Variants in TET1 observed in about 807,000 individuals in gnomAD.
The protein encoded by TET1 is methylcytosine dioxygenase TET1.
Under a neutral mutation model 148.7 loss-of-function variants are expected in TET1, and 13 were observed. The observed-to-expected ratio is 0.09, with a 90% CI of 0.06 to 0.14. TET1 has a LOEUF of 0.14. TET1 is among the 10% of genes least tolerant of loss of function. TET1 has a pLI of 1.00. For missense variants in TET1, 2,182 were observed against 2,553.8 expected (o/e 0.85, Z 3.14); for synonymous variants, 907 against 937.2 (o/e 0.97, Z 0.59).
At chr10:68,576,718 CTATT>C (rs1232797665) in intron 2 of TET1, among the ~76,000 whole-genome samples, 2 of 151,948 alleles carry the variant, frequency 1.3e-5, no homozygotes, top group African/African-American at 2.4e-5. Context: ...GAAACTGTTT[CTATT>C]TCTTTTTTTG....
In TET1 at chr10:68,606,059, T is replaced by G. The variant is rs1279497142; in HGVS notation, c.1968+5025T>G. 2.0e-5 allele frequency among the ~76,000 whole-genome samples: 3 copies of G among 152,284 alleles called. 1 individual carries two copies. The South Asian group carries it at 6.2e-4, about 32-fold the overall frequency. On this transcript the variant is annotated intron_variant, in intron 3 of 11. Transcript: ENST00000373644. ...GATACAATTGAGTTACATTGTTTAT[T>G]TTAAAATTCTATTAAGCTATAAATA...
chr10:68,670,735 C>T (rs535473298), intron 7 of TET1, among the ~76,000 whole-genome samples: 1 of 152,108 alleles, frequency 6.6e-6, no homozygotes, highest in South Asian at 2.1e-4. Flanking sequence ...ATGTTTTAAC[C>T]ATTTTCATTC....
intron 7 of TET1, among the ~76,000 whole-genome samples, chr10:68,670,417 A>C (rs549138034): frequency 6.6e-6 from 1 of 152,220 alleles, no homozygotes; most frequent in Non-Finnish European, 1.5e-5. Context: ...AAGTCAGGCT[A>C]TGAAATACAA....
intron 3 of TET1, among the ~76,000 whole-genome samples, chr10:68,639,445 T>C (rs991310483): frequency 1.7e-4 from 22 of 132,152 alleles, no homozygotes; most frequent in South Asian, 7.2e-4. Flanking sequence ...ACTATTATTA[T>C]TACTACTACT....
At chr10:68,585,739 G>A (rs60561295) in intron 2 of TET1, among the ~76,000 whole-genome samples, 2,351 of 152,040 alleles carry the variant, frequency 0.015, 56 homozygotes, top group African/African-American at 0.054. Flanking sequence ...GGCCGGGCAC[G>A]GTGGCGCACA....
At chr10:68,665,628 A>C (rs1393886075) in intron 6 of TET1, among the ~76,000 whole-genome samples, 2 of 152,080 alleles carry the variant, frequency 1.3e-5, no homozygotes, top group East Asian at 3.8e-4. Flanking sequence ...CCTATACAAA[A>C]ACTTTATTAA....
rs968288079 is a variant in TET1 at position 68,667,224 on chromosome 10, C to T, written c.4641C>T (p.His1547=). The T allele has an allele frequency of 8.1e-6, 13 of 1,613,682 alleles. No homozygotes were observed. Among genetic ancestry groups the T allele is most frequent in the Non-Finnish European group, 1.1e-5 (13 of 1,179,908 alleles). ...LTENLKSYNG[H]PTDRRCTLNE... is the part of the protein sequence containing the mutation. The stretch of plus-strand genomic sequence containing the variant: ...AGAATCTAAAGTCATACAATGGGCA[C>T]CCTACCGACAGAAGATGCACCCTCA... Residue 1547 remains histidine, a synonymous_variant, in exon 7 of 12, where the codon CAC becomes CAT. Coordinates refer to ENST00000373644, the MANE Select transcript of TET1 (RefSeq NM_030625.3).
chr10:68,576,307 C>T (rs544024399), intron 2 of TET1, among the ~76,000 whole-genome samples: 121 of 148,890 alleles, frequency 8.1e-4, no homozygotes, highest in African/African-American at 2.9e-3. Flanking sequence ...GTGGAGGTTG[C>T]GCCACTGCAC....
In TET1 at chr10:68,646,340, A is replaced by G. The variant is rs2054847091; in HGVS notation, c.3611A>G (p.His1204Arg). The G allele has an allele frequency of 1.2e-6, 2 of 1,614,180 alleles. No individual in the cohort carries two copies. Among genetic ancestry groups the G allele is most frequent in the South Asian group, 1.1e-5 (1 of 91,082 alleles). ...CAAAATTTTGGGCAATTTTGTCCAC[A>G]TGATTTTCCTACTGTATTTGGGAAA... Reference protein sequence around the residue: ...KFQNFGQFCPHDFPTVFGKIS... With the variant: ...KFQNFGQFCPRDFPTVFGKIS... Residue 1204 changes from histidine to arginine, a missense_variant, in exon 4 of 12, where the codon CAT (histidine) becomes CGT (arginine). This residue lies in a region of TET1 where 582 missense variants were observed against 599.5 expected (regional missense o/e 0.97). Transcript: ENST00000373644.
At chr10:68,690,580 C>T (rs528680896) in intron 11 of TET1, among the ~76,000 whole-genome samples, 16 of 152,154 alleles carry the variant, frequency 1.1e-4, no homozygotes, top group Admixed American at 8.5e-4. Context: ...GAGACTCCGT[C>T]TCCAAAAAAA....
intron 2 of TET1, among the ~76,000 whole-genome samples, chr10:68,598,935 C>T (rs1020296975): frequency 2.0e-5 from 3 of 152,086 alleles, no homozygotes; most frequent in South Asian, 2.1e-4. Context: ...GATCTTCCTG[C>T]CTCGGCCTCC....
At position 68,573,782 on chromosome 10, in the gene TET1, A is replaced by C. The variant is rs570151139; in HGVS notation, c.1444A>C (p.Asn482His). Reference protein sequence around the residue: ...GSGHTPQSSSNSEKNSLPPVM... With the variant: ...GSGHTPQSSSHSEKNSLPPVM... ...AGGACACACTCCTCAATCATCATCA[A>C]ACTCAGAGAAAAATTCATTACCTCC... The change falls in exon 2 of 12, where the codon AAC (asparagine) becomes CAC (histidine). Residue 482 changes from asparagine (N) to histidine (H), a missense_variant. Asn to His is a moderately conservative substitution (Grantham distance 68). Transcript: ENST00000373644. 4.9e-5 allele frequency: 79 copies of C among 1,614,016 alleles called. 1 individual carries two copies. The South Asian group carries it at 7.7e-4, about 16-fold the overall frequency.
chr10:68,680,190 CTTTGGCTT>C (rs1270936244), intron 8 of TET1, among the ~76,000 whole-genome samples: 7 of 152,298 alleles, frequency 4.6e-5, no homozygotes, highest in Non-Finnish European at 7.3e-5. Flanking sequence ...TATTGTGTAG[CTTTGGCTT>C]TTATAATAAT....
At chr10:68,600,844 G>T in intron 2 of TET1, 137 bp from the exon 3 acceptor site, 1 of 703,574 alleles carries the variant, frequency 1.4e-6, no homozygotes, top group South Asian at 1.7e-5. Flanking sequence ...AAGCTCTTTA[G>T]GTTCTGCCTA....
At chr10:68,577,032 C>T (rs1215854957) in intron 2 of TET1, among the ~76,000 whole-genome samples, 1 of 152,184 alleles carries the variant, frequency 6.6e-6, no homozygotes, top group Non-Finnish European at 1.5e-5. Flanking sequence ...CCTCAGCCTC[C>T]TGAGTAGCTG....
rs181081228 is a variant in TET1 at position 68,691,319 on chromosome 10, C to T, written c.5916C>T (p.Asp1972=). The stretch of plus-strand genomic sequence containing the variant: ...CTGAAGCAGATGAGCCTCCATCAGA[C>T]GAACCCCTATCTGATGACCCCCTGT... ...QHSEADEPPS[D]EPLSDDPLSP... The change falls in exon 12 of 12, where the codon GAC becomes GAT. Residue 1972 remains aspartate, a synonymous_variant. Coordinates refer to ENST00000373644, the MANE Select transcript of TET1 (RefSeq NM_030625.3). The surrounding 1 kb of genome is among the most constrained non-coding windows in gnomAD (Gnocchi z 4.4). 1.0e-4 allele frequency: 168 copies of T among 1,614,178 alleles called. No individual in the cohort carries two copies. The highest frequency in any genetic ancestry group is 3.3e-4 in the Middle Eastern group (2 of 6,062).
chr10:68,610,419 T>TA lies in TET1; in HGVS notation c.1968+9393dup, dbSNP rs1225715033. 5.4e-5 allele frequency among the ~76,000 whole-genome samples: 8 copies of TA among 149,524 alleles called. No individual in the cohort carries two copies. In the East Asian group the frequency reaches 5.9e-4, roughly 11 times the overall value. On this transcript the variant is annotated intron_variant, in intron 3 of 11. Transcript: ENST00000373644. ...CAACATGGTGAAACCCCATCTCTACTAAAAAAAAGGAAATAACAAAAATTA... is the reference window on the plus strand; with the variant it reads ...CAACATGGTGAAACCCCATCTCTACTAAAAAAAAAGGAAATAACAAAAATTA...
chr10:68,584,714 A>G (rs1400762234), intron 2 of TET1, among the ~76,000 whole-genome samples: 1 of 152,078 alleles, frequency 6.6e-6, no homozygotes, highest in African/African-American at 2.4e-5. Flanking sequence ...GTCTCAGGGA[A>G]CAAACAAAAC....
chr10:68,656,957 C>T (rs919729841), intron 6 of TET1, among the ~76,000 whole-genome samples: 12 of 149,636 alleles, frequency 8.0e-5, no homozygotes, highest in East Asian at 2.0e-4. Context: ...ACCCAGGAGG[C>T]GGAGGTTGCC....
Sources: gnomAD v4.1 joint callset for allele counts (sites outside exome capture counted in the v4.1 genomes callset) on GRCh38, gnomAD v4.1.1 for gene constraint, gnomAD v4.1.1 regional missense constraint, Gnocchi (gnomAD v3.1) non-coding constraint, MANE v1.5 for transcripts, NCBI Gene and HGNC (gene_info 2026-07-23, HGNC 2026-07-21) for gene names.